The following MIER3 variants were observed in gnomAD, a reference collection of about 807,000 sequenced individuals.
The protein encoded by MIER3 is MIER family member 3.
In MIER3, 9 loss-of-function variants were observed where a neutral mutation model predicts 63.2. The ratio of observed to expected loss-of-function variants is 0.14; its 90% CI spans 0.09 to 0.25. The LOEUF is 0.25. Ranked by LOEUF, MIER3 falls within the 10% of genes least tolerant of loss-of-function variation. The pLI is 1.00. For missense variants in MIER3, 512 were observed against 666.2 expected, an observed-to-expected ratio of 0.77 and a Z score of 2.55; for synonymous variants, 205 against 224.9, an observed-to-expected ratio of 0.91 and a Z score of 0.79.
At chr5:56,929,003 ACACTCTCT>A in intron 9 of MIER3, 142 bp from the exon 10 acceptor site, 1 of 554,784 alleles carries the variant, frequency 1.8e-6, no homozygotes, top group Non-Finnish European at 3.2e-6. Flanking sequence ...ACACACACAC[ACACTCTCT>A]CTCTCTCTCT....
chr5:56,929,155 A>T (rs1279287691), intron 9 of MIER3: 1 of 241,720 alleles, frequency 4.1e-6, no homozygotes, highest in Non-Finnish European at 7.9e-6. Context: ...TTTCTATAAC[A>T]TGCCTGTTTT....
At chr5:56,938,847 A>G in intron 4 of MIER3, 36 bp downstream of exon 4, 1 of 1,603,246 alleles carries the variant, frequency 6.2e-7, no homozygotes, top group South Asian at 1.1e-5. Flanking sequence ...CAATGGTAAC[A>G]GACCCTGAAT....
At chr5:56,935,887 C>T in intron 5 of MIER3, 136 bp from the exon 6 acceptor site, 1 of 663,118 alleles carries the variant, frequency 1.5e-6, no homozygotes, top group Non-Finnish European at 2.6e-6. Context: ...ATGTTTCTCA[C>T]AATCGACATT....
At chr5:56,926,531 A>T (rs832399) in intron 10 of MIER3, among the ~76,000 whole-genome samples, 76,521 of 151,906 alleles carry the variant, frequency 0.5, 21,444 homozygotes, top group Non-Finnish European at 0.64. Flanking sequence ...ATTAAAACAA[A>T]AAAGAGATGG....
intron 3 of MIER3, chr5:56,940,950 C>T: frequency 1.0e-6 from 1 of 985,148 alleles, no homozygotes; most frequent in Non-Finnish European, 1.2e-6. Context: ...TTCCGCAGAA[C>T]CTCACAGTTT....
At chr5:56,926,250 TAATTAA>T (rs1373640669) in intron 10 of MIER3, among the ~76,000 whole-genome samples, 6 of 149,734 alleles carry the variant, frequency 4.0e-5, no homozygotes, top group South Asian at 2.2e-4. Flanking sequence ...AAGTTGGACA[TAATTAA>T]AATTAAAAAC....
At position 56,922,967 on chromosome 5, in the gene MIER3, T is replaced by C. The variant is rs1749743710; in HGVS notation, c.*161A>G. 1.6e-6 allele frequency: 1 copy of C among 637,158 alleles called. No homozygotes were observed. Among genetic ancestry groups the C allele is most frequent in the African/African-American group, 1.8e-5 (1 of 54,626 alleles). The allele number at this position is 637,158 out of a possible 1,614,324, so 39.5% of individuals were successfully genotyped here. A position where few individuals can be genotyped will look rare whatever the true frequency, so the allele number is the denominator to read the frequency against. ...ATTTCCACATTTATGGATTGAAAAATGAAAATACTCTTGATAAATCAAGAT... is the reference window on the plus strand; with the variant it reads ...ATTTCCACATTTATGGATTGAAAAACGAAAATACTCTTGATAAATCAAGAT... On this transcript the variant is annotated 3_prime_UTR_variant, in exon 13 of 13. Transcript: ENST00000381199.
Position 56,922,802 on chromosome 5 carries a change from G to A in MIER3, c.*326C>T. 3.6e-6 allele frequency: 1 copy of A among 276,974 alleles called. No homozygotes were observed. The highest frequency in any genetic ancestry group is 7.0e-6 in the Non-Finnish European group (1 of 143,640). 17.2% of individuals were successfully genotyped at this position (276,974 alleles called of 1,614,324 possible). A position where few individuals can be genotyped will look rare whatever the true frequency, so the allele number is the denominator to read the frequency against. Reference sequence around the variant, plus strand: ...CTGTCTACAGGTTTTAAAATTGGGAGTGAGGGCAGTGGGGAACACAAAAGA... The same window carrying A: ...CTGTCTACAGGTTTTAAAATTGGGAATGAGGGCAGTGGGGAACACAAAAGA... On this transcript the variant is annotated 3_prime_UTR_variant, in exon 13 of 13. Coordinates refer to ENST00000381199, the MANE Select transcript of MIER3 (RefSeq NM_001297599.2).
intron 2 of MIER3, among the ~76,000 whole-genome samples, chr5:56,947,483 A>G (rs1237768093): frequency 3.3e-5 from 5 of 152,214 alleles, no homozygotes; most frequent in Non-Finnish European, 7.4e-5. Context: ...AATCGACTAT[A>G]CACTAAGATG....
At chr5:56,926,805 T>C (rs1750006095) in intron 10 of MIER3, among the ~76,000 whole-genome samples, 1 of 152,120 alleles carries the variant, frequency 6.6e-6, no homozygotes, top group Non-Finnish European at 1.5e-5. Context: ...TGCCAAAACT[T>C]GGAAGCAACC....
At chr5:56,928,597 A>G (rs1750117401) in intron 10 of MIER3, 170 bp downstream of exon 10, 4 of 503,956 alleles carry the variant, frequency 7.9e-6, no homozygotes, top group Non-Finnish European at 1.4e-5. Context: ...CAGCCATTCC[A>G]TAAGCAGGCT....
chr5:56,924,694 C>T (rs1749872718), intron 10 of MIER3, among the ~76,000 whole-genome samples: 2 of 152,104 alleles, frequency 1.3e-5, no homozygotes, highest in Non-Finnish European at 2.9e-5. Context: ...TTGAGCCTCA[C>T]CACCTTGGCT....
In MIER3 at chr5:56,930,749, G is replaced by C. The variant is rs1208566962; in HGVS notation, c.748-4C>G. On this transcript the variant is annotated splice_polypyrimidine_tract_variant and splice_region_variant and intron_variant, in intron 8 of 12. Transcript: ENST00000381199. ...ACTTGAGAAGTTCATATAATGCCTG[G>C]GATGGATATTCAATAAAAAGTATTA... 6.2e-7 allele frequency: 1 copy of C among 1,609,938 alleles called. No individual in the cohort carries two copies. Among genetic ancestry groups the C allele is most frequent in the East Asian group, 2.2e-5 (1 of 44,818 alleles).
chr5:56,928,535 A>G lies in MIER3; in HGVS notation c.924+232T>C, dbSNP rs1186739374. On this transcript the variant is annotated intron_variant, in intron 10 of 12. Transcript: ENST00000381199. ...GTGAGACTTCCTAAAAAATACAGTGAGTCCACTTTCTGTGTCAACTGTTTA... is the reference window on the plus strand; with the variant it reads ...GTGAGACTTCCTAAAAAATACAGTGGGTCCACTTTCTGTGTCAACTGTTTA... 3.1e-5 allele frequency: 10 copies of G among 322,296 alleles called. No homozygotes were observed. The East Asian group carries it at 5.2e-4, about 17-fold the overall frequency. The allele number at this position is 322,296 out of a possible 1,614,324, so 20.0% of individuals were successfully genotyped here. A position where few individuals can be genotyped will look rare whatever the true frequency, so the allele number is the denominator to read the frequency against.
At chr5:56,936,546 T>G (rs1750453194) in intron 5 of MIER3, among the ~76,000 whole-genome samples, 1 of 152,202 alleles carries the variant, frequency 6.6e-6, no homozygotes, top group African/African-American at 2.4e-5. Context: ...GGTCTCACTC[T>G]GTCACCCAGG....
At chr5:56,942,512 A>G (rs1255605158) in intron 3 of MIER3, among the ~76,000 whole-genome samples, 1 of 152,192 alleles carries the variant, frequency 6.6e-6, no homozygotes, top group Non-Finnish European at 1.5e-5. Context: ...CCACTATGAG[A>G]CAGAAGCACA....
At position 56,934,000 on chromosome 5, in the gene MIER3, T is replaced by G. The variant is rs1337528264; in HGVS notation, c.596-602A>C. Among the ~76,000 whole-genome samples, 3 of 152,116 alleles carry G rather than the reference T, an allele frequency of 2.0e-5. No homozygotes were observed. In the South Asian group the frequency reaches 6.3e-4, roughly 32 times the overall value. Reference sequence around the variant, plus strand: ...ACTTTCCACAATCTCTTAAAGACACTGATATATTAATGAACAAAATGTCAT... The same window carrying G: ...ACTTTCCACAATCTCTTAAAGACACGGATATATTAATGAACAAAATGTCAT... On this transcript the variant is annotated intron_variant, in intron 7 of 12. Transcript: ENST00000381199.
intron 8 of MIER3, among the ~76,000 whole-genome samples, chr5:56,932,807 TA>T (rs1278865657): frequency 6.6e-6 from 1 of 152,146 alleles, no homozygotes; most frequent in African/African-American, 2.4e-5. Context: ...AATACACTTA[TA>T]AAATCTAAAA....
chr5:56,924,709 A>C (rs1428532569), intron 10 of MIER3, among the ~76,000 whole-genome samples: 1 of 152,200 alleles, frequency 6.6e-6, no homozygotes, highest in Non-Finnish European at 1.5e-5. Context: ...TTGGCTCCAC[A>C]CCCAAACCAG....
Sources: allele counts gnomAD v4.1 joint callset (sites outside exome capture counted in the v4.1 genomes callset), GRCh38; gene constraint gnomAD v4.1.1; transcripts MANE v1.5; gene names NCBI Gene and HGNC (gene_info 2026-07-23, HGNC 2026-07-21).